Variants in AUTS2 observed in about 807,000 individuals in gnomAD.
AUTS2 encodes autism susceptibility gene 2 protein.
In AUTS2, 17 loss-of-function variants were observed where a neutral mutation model predicts 112.4. That is an observed-to-expected ratio of 0.15 (90% CI 0.10 to 0.23). The LOEUF is 0.23. Among genes scored for constraint, AUTS2 ranks in the 10% least tolerant of loss-of-function variants. The pLI is 1.00. For missense variants in AUTS2, 1,510 were observed against 1,701.6 expected (o/e 0.89, Z 1.98); for synonymous variants, 751 against 702.7 (o/e 1.07, Z -1.09).
At chr7:69,618,551 A>G (rs2129087987) in intron 1 of AUTS2, among the ~76,000 whole-genome samples, 1 of 152,272 alleles carries the variant, frequency 6.6e-6, no homozygotes, top group Non-Finnish European at 1.5e-5. Context: ...GTGAAGTAAA[A>G]GCCCCAGACA....
chr7:70,208,834 G>A (rs779384481), intron 4 of AUTS2, among the ~76,000 whole-genome samples: 3 of 151,956 alleles, frequency 2.0e-5, no homozygotes, highest in African/African-American at 4.8e-5. Flanking sequence ...CAATCTTGGT[G>A]TGTTCAAGGG....
intron 3 of AUTS2, 62 bp downstream of exon 3, chr7:70,118,295 C>A: frequency 1.4e-6 from 2 of 1,458,288 alleles, no homozygotes; most frequent in East Asian, 2.6e-5. Context: ...GCCACACACA[C>A]ACCATTGGTT....
At chr7:70,296,557 C>T (rs1014231448) in intron 4 of AUTS2, among the ~76,000 whole-genome samples, 1 of 152,080 alleles carries the variant, frequency 6.6e-6, no homozygotes, top group African/African-American at 2.4e-5. Context: ...CTTCCCACAT[C>T]GTGAGATGTG....
rs368648839 is a variant in AUTS2, at chr7:69,741,213, A to T, written c.309+141251A>T. Among the ~76,000 whole-genome samples, 46 of 152,168 alleles carry T rather than the reference A, an allele frequency of 3.0e-4. 1 individual carries two copies. The highest frequency in any genetic ancestry group is 8.0e-4 in the African/African-American group (33 of 41,440). On this transcript the variant is annotated intron_variant, in intron 1 of 18. Transcript: ENST00000342771. ...CATGTGATTTCTGAGAGCTGATTGTATGCAATGTGGTGGTATTCTTTTGCA... is the reference window on the plus strand; with the variant it reads ...CATGTGATTTCTGAGAGCTGATTGTTTGCAATGTGGTGGTATTCTTTTGCA...
At chr7:70,003,178 G>T (rs1214930376) in intron 2 of AUTS2, among the ~76,000 whole-genome samples, 1 of 116,078 alleles carries the variant, frequency 8.6e-6, no homozygotes, top group African/African-American at 3.7e-5. Context: ...TATATTATAT[G>T]AATATATTAT....
chr7:69,904,229 T>A (rs538800464), intron 2 of AUTS2, among the ~76,000 whole-genome samples: 4 of 152,262 alleles, frequency 2.6e-5, no homozygotes, highest in Admixed American at 6.5e-5. Context: ...CTGTTGAGAG[T>A]GTTTGCTACC....
At chr7:70,337,387 A>T (rs1791040804) in intron 4 of AUTS2, among the ~76,000 whole-genome samples, 1 of 152,250 alleles carries the variant, frequency 6.6e-6, no homozygotes, top group African/African-American at 2.4e-5. Context: ...ACTTTCAATT[A>T]GAATTTCTAA....
At chr7:69,781,257 A>G (rs1257974508) in intron 1 of AUTS2, among the ~76,000 whole-genome samples, 9 of 152,260 alleles carry the variant, frequency 5.9e-5, no homozygotes. Context: ...ATTACTTTGA[A>G]AAATGGTTCC....
At chr7:70,305,895 A>G (rs1789471245) in intron 4 of AUTS2, among the ~76,000 whole-genome samples, 1 of 152,358 alleles carries the variant, frequency 6.6e-6, no homozygotes, top group Non-Finnish European at 1.5e-5. Context: ...CATACAAAGT[A>G]TAAAACCAGT....
At chr7:70,213,200 G>T (rs1810998580) in intron 4 of AUTS2, among the ~76,000 whole-genome samples, 1 of 151,922 alleles carries the variant, frequency 6.6e-6, no homozygotes, top group Non-Finnish European at 1.5e-5. Context: ...ATCATACAAT[G>T]AATAACTGGA....
At chr7:70,325,316 C>T (rs1248539791) in intron 4 of AUTS2, among the ~76,000 whole-genome samples, 1 of 151,928 alleles carries the variant, frequency 6.6e-6, no homozygotes, top group African/African-American at 2.4e-5. Context: ...AGAGCAAGCC[C>T]CTGTCTCTCA....
At chr7:70,641,248 C>T (rs759558508) in intron 5 of AUTS2, among the ~76,000 whole-genome samples, 1 of 152,186 alleles carries the variant, frequency 6.6e-6, no homozygotes, top group Non-Finnish European at 1.5e-5. Context: ...TCACTAGACC[C>T]CTACTTGAAA....
chr7:70,386,790 C>T (rs1391396860), intron 4 of AUTS2, among the ~76,000 whole-genome samples: 1 of 152,180 alleles, frequency 6.6e-6, no homozygotes, highest in Non-Finnish European at 1.5e-5. Context: ...CTGCCTCTCT[C>T]TCATCATTTC....
At chr7:69,731,407 A>G (rs1163408799) in intron 1 of AUTS2, among the ~76,000 whole-genome samples, 1 of 152,068 alleles carries the variant, frequency 6.6e-6, no homozygotes, top group Admixed American at 6.6e-5. Flanking sequence ...AGCTCTCTAA[A>G]CTCAGTTTCC....
At chr7:69,803,026 C>T (rs35213789) in intron 1 of AUTS2, among the ~76,000 whole-genome samples, 37,847 of 151,950 alleles carry the variant, frequency 0.25, 4,720 homozygotes, top group Middle Eastern at 0.34. Context: ...TCAAAAATGT[C>T]GTTGTCCACA....
chr7:70,716,561 C>T (rs928564067), intron 6 of AUTS2, among the ~76,000 whole-genome samples: 1 of 134,220 alleles, frequency 7.5e-6, no homozygotes, highest in Non-Finnish European at 1.5e-5. Flanking sequence ...TGAACCCGGC[C>T]GGGAGGCAGA....
At position 70,776,863 on chromosome 7, in the gene AUTS2, C is replaced by G. The variant is rs182953834; in HGVS notation, c.1933-240C>G. 3 of 550,444 alleles carry G rather than the reference C, an allele frequency of 5.5e-6. No individual in the cohort carries two copies. The African/African-American group carries it at 5.7e-5, about 10-fold the overall frequency. The allele number at this position is 550,444 out of a possible 1,614,324, so 34.1% of individuals were successfully genotyped here. On this transcript the variant is annotated intron_variant, in intron 13 of 18. Transcript: ENST00000342771. The stretch of plus-strand genomic sequence containing the variant: ...TCTTGTCCTTGGTAACCGGGGAGGC[C>G]CTTGTCAATGTGGTTTTCTGAGTAG...
Position 70,134,522 on chromosome 7 carries a change from A to T in AUTS2, c.625-14A>T. The T allele has an allele frequency of 6.2e-7, 1 of 1,613,492 alleles. No individual in the cohort carries two copies. The highest frequency in any genetic ancestry group is 8.5e-7 in the Non-Finnish European group (1 of 1,179,506). On this transcript the variant is annotated splice_polypyrimidine_tract_variant and intron_variant, in intron 3 of 18. Transcript: ENST00000342771. The stretch of plus-strand genomic sequence containing the variant: ...TTGCTGATTTTCCACTTTTGTCTTT[A>T]TGCTTTATTGCAGAGTTCAGCTCCT...
At chr7:70,415,801 C>T (rs991906293) in intron 4 of AUTS2, among the ~76,000 whole-genome samples, 1 of 152,168 alleles carries the variant, frequency 6.6e-6, no homozygotes, top group Non-Finnish European at 1.5e-5. Flanking sequence ...GTGGGTTGGA[C>T]CAGACCATTT....
Sources: gnomAD v4.1 joint callset for allele counts (sites outside exome capture counted in the v4.1 genomes callset) on GRCh38, gnomAD v4.1.1 for gene constraint, MANE v1.5 for transcripts, NCBI Gene and HGNC (gene_info 2026-07-23, HGNC 2026-07-21) for gene names.